COL26A1: variants seen among roughly 807,000 people sequenced by gnomAD.
COL26A1 encodes the protein collagen alpha-1(XXVI) chain.
COL26A1 carries 41 observed loss-of-function variants against 59.3 expected under a neutral mutation model. The observed-to-expected ratio is 0.69, with a 90% confidence interval of 0.54 to 0.90. The LOEUF is 0.90. Among genes scored for constraint, COL26A1 ranks in the 40% least tolerant of loss-of-function variants. The pLI is 0.00. For synonymous variants in COL26A1, 266 were observed against 256.0 expected (o/e 1.04, Z -0.37); for missense variants, 612 against 602.3 (o/e 1.02, Z -0.17).
chr7:101,543,009 T>C (rs564378964), intron 5 of COL26A1, among the ~76,000 whole-genome samples: 2 of 152,158 alleles, frequency 1.3e-5, no homozygotes, highest in South Asian at 2.1e-4. Flanking sequence ...GCACACACTC[T>C]ACACATGGTG....
Position 101,369,441 on chromosome 7 carries a change from ATCTTTTTTTTTTTTT to A in COL26A1, c.158+6253_158+6267del, listed in dbSNP as rs1261321997. Among the ~76,000 whole-genome samples, 3 of 126,594 alleles carry A rather than the reference ATCTTTTTTTTTTTTT, an allele frequency of 2.4e-5. 1 individual carries two copies. Among genetic ancestry groups the A allele is most frequent in the African/African-American group, 9.5e-5 (3 of 31,668 alleles). 83.1% of individuals were successfully genotyped at this position (126,594 alleles called of 152,430 possible). A position where few individuals can be genotyped will look rare whatever the true frequency, so the allele number is the denominator to read the frequency against. ...AATAAATAAAGCAAAGGTAATCTGC[ATCTTTTTTTTTTTTT>A]TTTTTTTTTTGAGACAGAGTCTCGC... On this transcript the variant is annotated intron_variant, in intron 1 of 12. Coordinates refer to ENST00000313669, the MANE Select transcript of COL26A1 (RefSeq NM_001278563.3).
chr7:101,419,722 G>C (rs1351102562), intron 1 of COL26A1, among the ~76,000 whole-genome samples: 1 of 152,204 alleles, frequency 6.6e-6, no homozygotes, highest in Non-Finnish European at 1.5e-5. Flanking sequence ...CCACGGGCAG[G>C]GCTGAGTCTT....
intron 2 of COL26A1, among the ~76,000 whole-genome samples, chr7:101,422,236 G>A (rs1213343747): frequency 4.6e-5 from 7 of 151,602 alleles, no homozygotes; most frequent in Non-Finnish European, 8.8e-5. Flanking sequence ...CACTTGAACC[G>A]GGAGAAGGAG....
chr7:101,383,118 G>A (rs1791485799), intron 1 of COL26A1, among the ~76,000 whole-genome samples: 1 of 151,078 alleles, frequency 6.6e-6, no homozygotes, highest in Non-Finnish European at 1.5e-5. Context: ...CTGCTCCATT[G>A]ACTCAGAGTT....
At chr7:101,546,365 G>A (rs1164905773) in intron 7 of COL26A1, among the ~76,000 whole-genome samples, 2 of 151,946 alleles carry the variant, frequency 1.3e-5, no homozygotes. Flanking sequence ...CTCCTGAGTA[G>A]CTAGGACCCT....
Position 101,373,056 on chromosome 7 carries a change from C to A in COL26A1, c.158+9866C>A, listed in dbSNP as rs111493079. On this transcript the variant is annotated intron_variant, in intron 1 of 12. Transcript: ENST00000313669. ...GGAGTCTGGATGTGAAGTCTCCTTC[C>A]TGCCACCTTGAGGAGCTTGCCTTCA... Among the ~76,000 whole-genome samples the A allele has an allele frequency of 9.7e-3, 1,480 of 152,262 alleles. 40 individuals carry two copies. The highest frequency in any genetic ancestry group is 0.079 in the East Asian group (408 of 5,154).
chr7:101,466,837 T>TGTGTGAGA (rs764059657), intron 3 of COL26A1, among the ~76,000 whole-genome samples: 3,142 of 122,482 alleles, frequency 0.026, 45 homozygotes, highest in Middle Eastern at 0.043. Context: ...TGTGTGTGTG[T>TGTGTGAGA]GAGAGAGAGA....
intron 3 of COL26A1, among the ~76,000 whole-genome samples, chr7:101,485,620 A>C (rs1384178478): frequency 6.6e-6 from 1 of 151,956 alleles, no homozygotes; most frequent in Non-Finnish European, 1.5e-5. Flanking sequence ...GCCTTTGTTT[A>C]CCTGCCGTCA....
intron 1 of COL26A1, among the ~76,000 whole-genome samples, chr7:101,396,967 G>A (rs1791870152): frequency 6.6e-6 from 1 of 152,186 alleles, no homozygotes; most frequent in Non-Finnish European, 1.5e-5. Context: ...GTGACGCTGG[G>A]TAGATGGGGC....
intron 1 of COL26A1, among the ~76,000 whole-genome samples, chr7:101,378,795 C>G (rs371594036): frequency 6.6e-6 from 1 of 152,060 alleles, no homozygotes; most frequent in Non-Finnish European, 1.5e-5. Context: ...GGCATTTGTC[C>G]GAGAATCTCC....
chr7:101,527,208 C>T (rs143475621), intron 3 of COL26A1, among the ~76,000 whole-genome samples: 2,516 of 152,218 alleles, frequency 0.017, 53 homozygotes, highest in Non-Finnish European at 0.022. Flanking sequence ...TGGGCCCAAG[C>T]GATCCTCCCA....
chr7:101,510,956 A>G (rs1794910513), intron 3 of COL26A1, among the ~76,000 whole-genome samples: 1 of 134,728 alleles, frequency 7.4e-6, no homozygotes, highest in Non-Finnish European at 1.5e-5. Context: ...GCTGGAGTGC[A>G]GTGGCACGAT....
At chr7:101,432,357 G>A (rs190077573) in intron 2 of COL26A1, among the ~76,000 whole-genome samples, 47 of 152,292 alleles carry the variant, frequency 3.1e-4, no homozygotes, top group African/African-American at 1.1e-3. Context: ...GGATATCTGA[G>A]GACATGAAGA....
chr7:101,529,419 C>T (rs1366232930), intron 3 of COL26A1, among the ~76,000 whole-genome samples: 3 of 152,066 alleles, frequency 2.0e-5, no homozygotes, highest in Non-Finnish European at 4.4e-5. Flanking sequence ...TAGGCATCTG[C>T]CACCACACCT....
intron 3 of COL26A1, among the ~76,000 whole-genome samples, chr7:101,460,017 C>G (rs1382166727): frequency 9.8e-5 from 15 of 152,326 alleles, no homozygotes; most frequent in Non-Finnish European, 1.6e-4. Flanking sequence ...CCTGGTCTAT[C>G]TGCAGAGCTC....
In COL26A1 at chr7:101,471,567, G is replaced by GTTGTTTTTTTT. The variant is rs1485332913; in HGVS notation, c.385+23782_385+23783insGTTTTTTTTTT. ...ATAATGTTTTGTTGTTGTTGTTGTT[G>GTTGTTTTTTTT]TTTGTTTTTTTTTTTTTTTTTTTTT... On this transcript the variant is annotated intron_variant, in intron 3 of 12. Transcript: ENST00000313669. 3.3e-4 allele frequency among the ~76,000 whole-genome samples: 37 copies of GTTGTTTTTTTT among 112,408 alleles called. 2 individuals carry two copies. The highest frequency in any genetic ancestry group is 1.3e-3 in the African/African-American group (37 of 28,430). The allele number at this position is 112,408 out of a possible 152,430, so 73.7% of individuals were successfully genotyped here. A position where few individuals can be genotyped will look rare whatever the true frequency, so the allele number is the denominator to read the frequency against.
At chr7:101,387,025 C>A (rs1266866317) in intron 1 of COL26A1, among the ~76,000 whole-genome samples, 1 of 152,126 alleles carries the variant, frequency 6.6e-6, no homozygotes, top group African/African-American at 2.4e-5. Flanking sequence ...TACCGCACAC[C>A]AGGAAACGCG....
At chr7:101,457,101 G>A (rs1366494494) in intron 3 of COL26A1, among the ~76,000 whole-genome samples, 1 of 152,152 alleles carries the variant, frequency 6.6e-6, no homozygotes, top group African/African-American at 2.4e-5. Context: ...ACTAGGGAAT[G>A]GGTGCTGCTT....
intron 1 of COL26A1, among the ~76,000 whole-genome samples, chr7:101,392,062 G>A (rs1051852341): frequency 1.3e-5 from 2 of 152,026 alleles, no homozygotes; most frequent in East Asian, 1.9e-4. Context: ...TGTGTTCTTC[G>A]AGGCAGGGAA....
Sources: allele counts gnomAD v4.1 joint callset (sites outside exome capture counted in the v4.1 genomes callset), GRCh38; gene constraint gnomAD v4.1.1; transcripts MANE v1.5; gene names NCBI Gene and HGNC (gene_info 2026-07-23, HGNC 2026-07-21).